CDK13: variants seen among roughly 807,000 people sequenced by gnomAD.
CDK13 encodes cyclin dependent kinase 13.
In CDK13, 40 loss-of-function variants were observed where a neutral mutation model predicts 137.6. That is an observed-to-expected ratio of 0.29 (90% CI 0.23 to 0.38). The LOEUF (loss-of-function observed/expected upper bound fraction) is 0.38. CDK13 is among the 10% of genes least tolerant of loss of function. The pLI is 1.00. For synonymous variants in CDK13, 869 were observed against 760.1 expected (o/e 1.14, Z -2.36); for missense variants, 1,704 against 1,951.8 (o/e 0.87, Z 2.39).
At chr7:40,083,307 CAA>C (rs143379108) in intron 11 of CDK13, among the ~76,000 whole-genome samples, 14 of 79,910 alleles carry the variant, frequency 1.8e-4, no homozygotes, top group African/African-American at 2.5e-4. Context: ...CCTGTCTTTA[CAA>C]AAAAAAAAAA....
chr7:40,012,473 G>T (rs1287893076), intron 5 of CDK13, among the ~76,000 whole-genome samples: 5 of 152,240 alleles, frequency 3.3e-5, no homozygotes, highest in South Asian at 2.1e-4. Flanking sequence ...GGTGGCACAT[G>T]CCTGTAGTCC....
At chr7:40,028,132 C>T (rs1291650546) in intron 5 of CDK13, among the ~76,000 whole-genome samples, 1 of 150,394 alleles carries the variant, frequency 6.6e-6, no homozygotes, top group African/African-American at 2.5e-5. Context: ...AGCTGAAGGT[C>T]GTTCTCTTGT....
intron 5 of CDK13, among the ~76,000 whole-genome samples, chr7:40,014,109 C>T (rs1486143005): frequency 7.5e-6 from 1 of 133,104 alleles, no homozygotes; most frequent in African/African-American, 2.8e-5. Context: ...CACTCTATTG[C>T]CCAGGCTGGA....
intron 2 of CDK13, among the ~76,000 whole-genome samples, chr7:39,990,375 C>A (rs1171999252): frequency 6.6e-6 from 1 of 151,984 alleles, no homozygotes; most frequent in Non-Finnish European, 1.5e-5. Context: ...TCTGTGTGGC[C>A]AAAGATTAAC....
At chr7:39,964,508 CTCTTTTT>C (rs1393624408) in intron 1 of CDK13, among the ~76,000 whole-genome samples, 1 of 83,670 alleles carries the variant, frequency 1.2e-5, no homozygotes, top group African/African-American at 3.1e-5. Flanking sequence ...TGATTCTTCT[CTCTTTTT>C]TCTTTATTAG....
intron 5 of CDK13, among the ~76,000 whole-genome samples, chr7:40,034,597 A>G (rs554204675): frequency 7.7e-4 from 117 of 152,244 alleles, no homozygotes; most frequent in African/African-American, 2.7e-3. Context: ...TTACATTATA[A>G]ATAGTACTGC....
chr7:40,002,815 A>G (rs1784712194), intron 5 of CDK13, among the ~76,000 whole-genome samples: 1 of 151,856 alleles, frequency 6.6e-6, no homozygotes, highest in South Asian at 2.1e-4. Context: ...CTATAAGCCA[A>G]ACACTTTGGG....
chr7:40,081,627 C>A (rs550491293), intron 11 of CDK13, among the ~76,000 whole-genome samples: 179 of 152,262 alleles, frequency 1.2e-3, no homozygotes, highest in African/African-American at 4.2e-3. Flanking sequence ...TTTCCTGTGA[C>A]TAAAAGCTCT....
intron 5 of CDK13, among the ~76,000 whole-genome samples, chr7:40,021,234 C>T (rs1429621380): frequency 2.6e-5 from 4 of 151,954 alleles, no homozygotes; most frequent in Admixed American, 6.6e-5. Flanking sequence ...CGGTGGCTCA[C>T]GCCTGTAATC....
intron 1 of CDK13, 200 bp downstream of exon 1, chr7:39,952,052 G>A: frequency 2.3e-6 from 1 of 429,142 alleles, no homozygotes; most frequent in African/African-American, 2.0e-5. Flanking sequence ...AAAGCAACTG[G>A]GCGAAGGGAA....
intron 1 of CDK13, among the ~76,000 whole-genome samples, chr7:39,982,367 A>T (rs1365836141): frequency 6.6e-6 from 1 of 152,148 alleles, no homozygotes. Context: ...ATGGCTGCAT[A>T]GCATTCCATG....
rs750484506 is a variant in CDK13, at chr7:40,068,558, G to GT, written c.2780+5459dup. On this transcript the variant is annotated intron_variant, in intron 9 of 13. Transcript: ENST00000181839. Reference sequence around the variant, plus strand: ...AAAATACAAAAATTACCTGGGCGCAGTGGTGTGTGCCTGTAATCCCAGCTA... The same window carrying GT: ...AAAATACAAAAATTACCTGGGCGCAGTTGGTGTGTGCCTGTAATCCCAGCTA... 3.3e-5 allele frequency among the ~76,000 whole-genome samples: 5 copies of GT among 151,928 alleles called. 1 individual carries two copies. In the Middle Eastern group the frequency reaches 0.01, roughly 310 times the overall value.
At chr7:39,967,251 A>G (rs1783892243) in intron 1 of CDK13, among the ~76,000 whole-genome samples, 1 of 152,100 alleles carries the variant, frequency 6.6e-6, no homozygotes, top group South Asian at 2.1e-4. Flanking sequence ...AACGTGGTGA[A>G]ATCTCTTCTC....
Position 40,098,657 on chromosome 7 carries a change from AT to A in CDK13, c.*3679del, listed in dbSNP as rs1454757103. The stretch of plus-strand genomic sequence containing the variant: ...AGAAAAATAAGGCTTAGAAAGAGGG[AT>A]TGCCAGAAACTTTGGCAGCTGGATT... On this transcript the variant is annotated 3_prime_UTR_variant, in exon 14 of 14. Coordinates refer to ENST00000181839, the MANE Select transcript of CDK13 (RefSeq NM_003718.5). The A allele has an allele frequency of 8.6e-5, 13 of 151,876 alleles. No homozygotes were observed. The highest frequency in any genetic ancestry group is 1.5e-4 in the Non-Finnish European group (10 of 67,930). 9.4% of individuals were successfully genotyped at this position (151,876 alleles called of 1,614,324 possible).
In CDK13 at chr7:40,098,378, T is replaced by C. The variant is rs940512934; in HGVS notation, c.*3398T>C. ...GGGCTTTTTGTTTTCCTTTTTTATTTTTATTTTTTCTTTTTTTAGGGGAAG... is the reference window on the plus strand; with the variant it reads ...GGGCTTTTTGTTTTCCTTTTTTATTCTTATTTTTTCTTTTTTTAGGGGAAG... On this transcript the variant is annotated 3_prime_UTR_variant, in exon 14 of 14. Transcript: ENST00000181839. 7 of 152,090 alleles carry C rather than the reference T, an allele frequency of 4.6e-5. No homozygotes were observed. The highest frequency in any genetic ancestry group is 1.0e-4 in the Non-Finnish European group (7 of 67,984). The allele number at this position is 152,090 out of a possible 1,614,324, so 9.4% of individuals were successfully genotyped here.
At chr7:40,079,622 G>A (rs962395295) in intron 11 of CDK13, among the ~76,000 whole-genome samples, 1 of 152,162 alleles carries the variant, frequency 6.6e-6, no homozygotes, top group Non-Finnish European at 1.5e-5. Flanking sequence ...CAGGCTCAGA[G>A]AGGTTAAGAA....
intron 7 of CDK13, among the ~76,000 whole-genome samples, chr7:40,056,538 G>A (rs1786023757): frequency 6.6e-6 from 1 of 152,148 alleles, no homozygotes; most frequent in Non-Finnish European, 1.5e-5. Context: ...CCTTGTGTAG[G>A]TATTCTCTAG....
intron 11 of CDK13, among the ~76,000 whole-genome samples, chr7:40,087,618 G>A (rs1178801914): frequency 7.2e-6 from 1 of 138,944 alleles, no homozygotes; most frequent in East Asian, 2.1e-4. Context: ...GCGCAATCTC[G>A]GCTCACCGCA....
chr7:40,054,438 T>TC, intron 7 of CDK13, among the ~76,000 whole-genome samples: 1 of 152,068 alleles, frequency 6.6e-6, no homozygotes, highest in Non-Finnish European at 1.5e-5. Context: ...CTGATGACTT[T>TC]TTTTTTTTTG....
Sources: gnomAD v4.1 joint callset for allele counts (sites outside exome capture counted in the v4.1 genomes callset) on GRCh38, gnomAD v4.1.1 for gene constraint, MANE v1.5 for transcripts, NCBI Gene and HGNC (gene_info 2026-07-23, HGNC 2026-07-21) for gene names.